Variants in WDR31 observed in about 807,000 individuals in gnomAD.
WDR31 encodes the protein WD repeat-containing protein 31.
Under a neutral mutation model 47.3 loss-of-function variants are expected in WDR31, and 30 were observed. The observed-to-expected ratio is 0.63, with a 90% CI of 0.47 to 0.86. WDR31 has a LOEUF of 0.86. WDR31 is among the 40% of genes least tolerant of loss of function. The probability of loss-of-function intolerance (pLI) is 0.00; values close to 1 mark genes in which losing one functional copy is unlikely to be tolerated. For synonymous variants in WDR31, 137 were observed against 159.4 expected (o/e 0.86, Z 1.06); for missense variants, 406 against 442.9 (o/e 0.92, Z 0.75).
At chr9:113,332,077 T>C in intron 2 of WDR31, 27 bp from the exon 3 acceptor site, 2 of 1,444,182 alleles carry the variant, frequency 1.4e-6, no homozygotes, top group Non-Finnish European at 1.9e-6. Context: ...AGAATACATG[T>C]TGTTAATTTT....
chr9:113,329,949 C>T (rs1032781566), intron 4 of WDR31, among the ~76,000 whole-genome samples: 7 of 151,882 alleles, frequency 4.6e-5, no homozygotes, highest in African/African-American at 1.7e-4. Flanking sequence ...CCACTGCACT[C>T]CAGCCTGGGC....
At chr9:113,324,733 A>G (rs1276283051) in intron 5 of WDR31, among the ~76,000 whole-genome samples, 2 of 151,886 alleles carry the variant, frequency 1.3e-5, no homozygotes, top group Non-Finnish European at 2.9e-5. Context: ...CACTGTATGT[A>G]TATTACCGCA....
rs1480306936 is a variant in WDR31, at chr9:113,321,595, G to A, written c.571-17C>T. 1 of 1,612,612 alleles carries A rather than the reference G, an allele frequency of 6.2e-7. No individual in the cohort carries two copies. The highest frequency in any genetic ancestry group is 1.1e-5 in the South Asian group (1 of 90,948). On this transcript the variant is annotated splice_polypyrimidine_tract_variant and intron_variant, in intron 7 of 10. Coordinates refer to ENST00000374193, the MANE Select transcript of WDR31 (RefSeq NM_001012361.4). ...GTGAGTGACCTAGAAAAAGCAAAAT[G>A]TTCAGAACTTCTCCACACCAAGTCA...
In WDR31 at chr9:113,315,807, C is replaced by A. The variant is rs1314461958; in HGVS notation, c.*942G>T. ...TCAGCCTCCCGAGTAGCTGGGACTACAGGCACGCACGTACAGGCTGGTCTT... is the reference window on the plus strand; with the variant it reads ...TCAGCCTCCCGAGTAGCTGGGACTAAAGGCACGCACGTACAGGCTGGTCTT... On this transcript the variant is annotated 3_prime_UTR_variant, in exon 11 of 11. Coordinates refer to ENST00000374193, the MANE Select transcript of WDR31 (RefSeq NM_001012361.4). 1 of 152,214 alleles carries A rather than the reference C, an allele frequency of 6.6e-6. No individual in the cohort carries two copies. Among genetic ancestry groups the A allele is most frequent in the East Asian group, 1.9e-4 (1 of 5,186 alleles). 9.4% of individuals were successfully genotyped at this position (152,214 alleles called of 1,614,324 possible).
chr9:113,317,645 C>A (rs1253994007), intron 10 of WDR31, among the ~76,000 whole-genome samples: 1 of 152,232 alleles, frequency 6.6e-6, no homozygotes, highest in East Asian at 1.9e-4. Flanking sequence ...CCTCTATTCT[C>A]TGAGGGAACT....
intron 4 of WDR31, 73 bp from the exon 5 acceptor site, chr9:113,329,028 A>T: frequency 3.7e-6 from 5 of 1,350,384 alleles, no homozygotes; most frequent in Non-Finnish European, 5.3e-6. Flanking sequence ...CTGCATTCTC[A>T]CCTTACTTTC....
intron 4 of WDR31, among the ~76,000 whole-genome samples, chr9:113,329,776 G>A (rs1241301204): frequency 6.7e-6 from 1 of 149,892 alleles, no homozygotes; most frequent in Non-Finnish European, 1.5e-5. Context: ...GAGTTCGAGA[G>A]CAGCCTGACC....
intron 5 of WDR31, among the ~76,000 whole-genome samples, chr9:113,323,484 A>G (rs937831733): frequency 1.3e-5 from 2 of 152,022 alleles, no homozygotes; most frequent in Admixed American, 6.6e-5. Context: ...CTGGTCTCCA[A>G]CTCGTGACCT....
rs781134453 is a variant in WDR31, at chr9:113,320,393, G to T, written c.744C>A (p.Cys248Ter). 1 of 1,614,220 alleles carries T rather than the reference G, an allele frequency of 6.2e-7. No homozygotes were observed. The highest frequency in any genetic ancestry group is 1.7e-5 in the Admixed American group (1 of 60,026). ...AGCCTTCTCCTCCAAAGCCATTGCT[G>T]CAGGAGATACACTTGTGTCCATCCA... Reference protein sequence around the residue: ...VSVDGHKCISCSNGFGGEGCE... With the variant: ...VSVDGHKCIS The change falls in exon 9 of 11, where the codon TGC becomes TGA. Residue 248 changes from cysteine (C) to a stop codon, truncating the protein, a stop_gained. Transcript: ENST00000374193. LOFTEE classifies it high-confidence loss of function.
chr9:113,327,360 A>G (rs1040676257), intron 5 of WDR31, among the ~76,000 whole-genome samples: 26 of 152,224 alleles, frequency 1.7e-4, no homozygotes, highest in African/African-American at 5.8e-4. Context: ...TTGAATGAGG[A>G]TAAGTCCAAT....
At chr9:113,339,681 T>C (rs921975126) in intron 1 of WDR31, among the ~76,000 whole-genome samples, 1 of 152,156 alleles carries the variant, frequency 6.6e-6, no homozygotes, top group Non-Finnish European at 1.5e-5. Context: ...TCGCTTCAGA[T>C]GGCAAATGCT....
At chr9:113,321,252 C>T (rs1191838945) in intron 8 of WDR31, among the ~76,000 whole-genome samples, 1 of 152,216 alleles carries the variant, frequency 6.6e-6, no homozygotes, top group Non-Finnish European at 1.5e-5. Context: ...CTTCACACAG[C>T]AGGAGCTGGC....
At chr9:113,323,241 A>C in intron 5 of WDR31, 86 bp from the exon 6 acceptor site, 1 of 1,473,214 alleles carries the variant, frequency 6.8e-7, no homozygotes, top group South Asian at 1.3e-5. Context: ...ATGAGTCTGC[A>C]TAACTCCCTC....
In WDR31 at chr9:113,315,169, C is replaced by T. The variant is rs1564290102; in HGVS notation, c.*1580G>A. Reference sequence around the variant, plus strand: ...TAAGGAGGCCGAGGCAGATGGATCACTTGAGCCCAGGAGTTTTAGACCACA... The same window carrying T: ...TAAGGAGGCCGAGGCAGATGGATCATTTGAGCCCAGGAGTTTTAGACCACA... On this transcript the variant is annotated 3_prime_UTR_variant, in exon 11 of 11. Transcript: ENST00000374193. The T allele has an allele frequency of 6.6e-6, 1 of 151,900 alleles. No homozygotes were observed. 9.4% of individuals were successfully genotyped at this position (151,900 alleles called of 1,614,324 possible). A position where few individuals can be genotyped will look rare whatever the true frequency, so the allele number is the denominator to read the frequency against.
intron 1 of WDR31, among the ~76,000 whole-genome samples, chr9:113,338,602 G>T (rs1006345974): frequency 6.6e-6 from 1 of 150,836 alleles, no homozygotes; most frequent in African/African-American, 2.4e-5. Flanking sequence ...TGAAGAGTCG[G>T]CTTGGTGGTA....
intron 8 of WDR31, among the ~76,000 whole-genome samples, chr9:113,321,114 C>T (rs1185708533): frequency 6.6e-6 from 1 of 152,208 alleles, no homozygotes; most frequent in Non-Finnish European, 1.5e-5. Flanking sequence ...CCTGCTTCCC[C>T]AGGGAGGGCT....
chr9:113,320,352 C>A lies in WDR31; in HGVS notation c.780+5G>T, dbSNP rs761896997. Reference sequence around the variant, plus strand: ...CAGATACCTGGACCTCACACAGTCTCCTACCGTGGCTTCACAGCCTTCTCC... The same window carrying A: ...CAGATACCTGGACCTCACACAGTCTACTACCGTGGCTTCACAGCCTTCTCC... On this transcript the variant is annotated splice_donor_5th_base_variant and intron_variant, in intron 9 of 10. Transcript: ENST00000374193. 6 of 1,613,832 alleles carry A rather than the reference C, an allele frequency of 3.7e-6. No homozygotes were observed.
At chr9:113,327,948 A>G (rs1479916179) in intron 5 of WDR31, among the ~76,000 whole-genome samples, 1 of 151,508 alleles carries the variant, frequency 6.6e-6, no homozygotes, top group Non-Finnish European at 1.5e-5. Flanking sequence ...AAAACAAAAC[A>G]AAAAATTCCT....
In WDR31 at chr9:113,331,093, T is replaced by A; in HGVS notation, c.140A>T (p.Glu47Val). 2 of 1,600,134 alleles carry A rather than the reference T, an allele frequency of 1.2e-6. No homozygotes were observed. Among genetic ancestry groups the A allele is most frequent in the Middle Eastern group, 1.7e-4 (1 of 5,988 alleles). ...KYGRPDEIIE[E>V]RIQTKAFQEY... The stretch of plus-strand genomic sequence containing the variant: ...TTGAAAAGCTTTAGTTTGAATTCTC[T>A]CTTCTATAATTTCATCAGGCCTGCT... The change falls in exon 4 of 11, where the codon GAG (glutamate) becomes GTG (valine). Residue 47 changes from glutamate (E) to valine (V), a missense_variant. Glu to Val is a moderately radical substitution (Grantham distance 121). Transcript: ENST00000374193.
Sources: gnomAD v4.1 joint callset for allele counts (sites outside exome capture counted in the v4.1 genomes callset) on GRCh38, gnomAD v4.1.1 for gene constraint, MANE v1.5 for transcripts, NCBI Gene and HGNC (gene_info 2026-07-23, HGNC 2026-07-21) for gene names.